The following ZNF407 variants were observed in gnomAD, a reference collection of about 807,000 sequenced individuals.
ZNF407 encodes zinc finger protein 407.
A neutral mutation model predicts 131.2 loss-of-function variants in ZNF407; 17 were observed. That is an observed-to-expected ratio of 0.13 (90% CI 0.09 to 0.19). The LOEUF is 0.19. ZNF407 is among the 10% of genes least tolerant of loss of function. The pLI, the probability that ZNF407 is intolerant of heterozygous loss-of-function variation, is 1.00. For missense variants in ZNF407, 2,681 were observed against 2,830.6 expected (o/e 0.95, Z 1.20); for synonymous variants, 1,156 against 1,062.0 (o/e 1.09, Z -1.72).
chr18:74,810,737 AT>A (rs1970181854), intron 4 of ZNF407, among the ~76,000 whole-genome samples: 1 of 152,286 alleles, frequency 6.6e-6, no homozygotes, highest in African/African-American at 2.4e-5. Flanking sequence ...CCTGAGAAAA[AT>A]AAGCAATGGG....
At position 74,781,492 on chromosome 18, in the gene ZNF407, C is replaced by A. The variant is rs775792066; in HGVS notation, c.4867C>A (p.Pro1623Thr). 6.6e-7 allele frequency: 1 copy of A among 1,516,038 alleles called. No homozygotes were observed. The highest frequency in any genetic ancestry group is 8.8e-7 in the Non-Finnish European group (1 of 1,134,434). 93.9% of individuals were successfully genotyped at this position (1,516,038 alleles called of 1,614,324 possible). Residue 1623 changes from proline to threonine, a missense_variant, in exon 4 of 9, where the codon CCA becomes ACA. Coordinates refer to ENST00000299687, the MANE Select transcript of ZNF407 (RefSeq NM_017757.3). Reference sequence around the variant, plus strand: ...ACTAGGCAAGCATGGAGTTGGCACCCCAAAAGAAAGGTAATTTTCATTCTT... The same window carrying A: ...ACTAGGCAAGCATGGAGTTGGCACCACAAAAGAAAGGTAATTTTCATTCTT... ...HLLGKHGVGTPKERKFTCHLC... is the reference protein window; with the variant it reads ...HLLGKHGVGTTKERKFTCHLC...
chr18:74,697,495 T>A (rs1277127120), intron 3 of ZNF407, among the ~76,000 whole-genome samples: 1 of 152,184 alleles, frequency 6.6e-6, no homozygotes, highest in African/African-American at 2.4e-5. Context: ...TGAGCTTAAA[T>A]TATTTAAATT....
intron 8 of ZNF407, among the ~76,000 whole-genome samples, chr18:75,022,127 T>A (rs1279386138): frequency 2.6e-5 from 4 of 152,120 alleles, no homozygotes; most frequent in Non-Finnish European, 5.9e-5. Flanking sequence ...CAAACTTTTT[T>A]AAAAGAAAAA....
At chr18:74,695,762 C>G (rs1452021411) in intron 3 of ZNF407, among the ~76,000 whole-genome samples, 1 of 152,136 alleles carries the variant, frequency 6.6e-6, no homozygotes. Flanking sequence ...TGATTTTGTT[C>G]TAAGCGTGTT....
intron 8 of ZNF407, among the ~76,000 whole-genome samples, chr18:74,947,644 G>A (rs536771768): frequency 2.6e-5 from 4 of 152,262 alleles, no homozygotes; most frequent in Non-Finnish European, 4.4e-5. Flanking sequence ...TCACACTAGC[G>A]TCCCAGGTAC....
intron 4 of ZNF407, among the ~76,000 whole-genome samples, chr18:74,830,981 A>G (rs922751378): frequency 6.6e-6 from 1 of 152,042 alleles, no homozygotes; most frequent in Non-Finnish European, 1.5e-5. Context: ...ATGAGATCAA[A>G]TTTTTTTAGC....
At chr18:75,043,101 A>T (rs1973392535) in intron 8 of ZNF407, among the ~76,000 whole-genome samples, 1 of 152,126 alleles carries the variant, frequency 6.6e-6, no homozygotes, top group Admixed American at 6.5e-5. Flanking sequence ...ACTGTTTTCC[A>T]CCATGGCTGT....
chr18:74,821,276 TA>T (rs755103352), intron 4 of ZNF407, among the ~76,000 whole-genome samples: 7 of 152,072 alleles, frequency 4.6e-5, no homozygotes, highest in Non-Finnish European at 1.0e-4. Context: ...TATGCAGTAT[TA>T]TTTTTATTAT....
At chr18:74,774,120 G>C (rs1969418640) in intron 3 of ZNF407, among the ~76,000 whole-genome samples, 1 of 152,170 alleles carries the variant, frequency 6.6e-6, no homozygotes, top group Non-Finnish European at 1.5e-5. Flanking sequence ...CATAATTACG[G>C]TAATAGATTA....
chr18:74,886,562 C>T (rs1599221480), intron 6 of ZNF407, among the ~76,000 whole-genome samples: 2 of 152,202 alleles, frequency 1.3e-5, no homozygotes, highest in Admixed American at 1.3e-4. Flanking sequence ...TACTACTCTG[C>T]AACGAAAATA....
At chr18:74,936,092 C>G (rs1259831883) in intron 8 of ZNF407, among the ~76,000 whole-genome samples, 2 of 152,156 alleles carry the variant, frequency 1.3e-5, no homozygotes, top group African/African-American at 2.4e-5. Flanking sequence ...TCCAATTTCT[C>G]TATCTGCTTC....
intron 3 of ZNF407, among the ~76,000 whole-genome samples, chr18:74,769,808 C>T (rs1969324354): frequency 6.6e-6 from 1 of 152,268 alleles, no homozygotes; most frequent in Middle Eastern, 3.4e-3. Flanking sequence ...AAATAATATA[C>T]ACTTTCATCA....
intron 6 of ZNF407, among the ~76,000 whole-genome samples, chr18:74,889,371 A>T (rs1971354343): frequency 6.6e-6 from 1 of 152,092 alleles, no homozygotes; most frequent in Admixed American, 6.5e-5. Context: ...TGTGGTATTA[A>T]ATATTCTAAA....
chr18:74,795,941 G>A (rs958090615), intron 4 of ZNF407, among the ~76,000 whole-genome samples: 5 of 152,198 alleles, frequency 3.3e-5, no homozygotes, highest in African/African-American at 9.7e-5. Context: ...CCAGCCTCCC[G>A]CTGTGCACAC....
intron 8 of ZNF407, among the ~76,000 whole-genome samples, chr18:74,940,743 T>C (rs570816631): frequency 6.6e-6 from 1 of 152,334 alleles, no homozygotes; most frequent in Admixed American, 6.5e-5. Flanking sequence ...GAAGCCTCTC[T>C]GCTCCTGTCT....
intron 8 of ZNF407, among the ~76,000 whole-genome samples, chr18:75,053,423 C>A (rs1973525200): frequency 6.6e-6 from 1 of 152,198 alleles, no homozygotes; most frequent in African/African-American, 2.4e-5. Flanking sequence ...ACTGCCTCAC[C>A]AAGCTGCCTG....
chr18:75,025,425 C>G (rs1599299754), intron 8 of ZNF407, among the ~76,000 whole-genome samples: 1 of 152,182 alleles, frequency 6.6e-6, no homozygotes, highest in South Asian at 2.1e-4. Context: ...GGTATTCAAT[C>G]TTTCTTTAGC....
rs906208133 is a variant in ZNF407 at position 74,927,001 on chromosome 18, G to A, written c.5428+6309G>A. On this transcript the variant is annotated intron_variant, in intron 8 of 8. Transcript: ENST00000299687. ...TTGTTCTAGAGTGACCCAAATGGTTGTTATGTATGGTTTCCTTATGTTTTC... is the reference window on the plus strand; with the variant it reads ...TTGTTCTAGAGTGACCCAAATGGTTATTATGTATGGTTTCCTTATGTTTTC... Among the ~76,000 whole-genome samples the A allele has an allele frequency of 3.3e-5, 5 of 152,262 alleles. No homozygotes were observed. In the South Asian group the frequency reaches 8.3e-4, roughly 25 times the overall value.
At chr18:74,975,258 A>G (rs546811438) in intron 8 of ZNF407, among the ~76,000 whole-genome samples, 2 of 152,356 alleles carry the variant, frequency 1.3e-5, no homozygotes, top group East Asian at 3.9e-4. Context: ...TGGCTTGTAC[A>G]GTAGCTCCTT....
Sources: gnomAD v4.1 joint callset for allele counts (sites outside exome capture counted in the v4.1 genomes callset) on GRCh38, gnomAD v4.1.1 for gene constraint, MANE v1.5 for transcripts, NCBI Gene and HGNC (gene_info 2026-07-23, HGNC 2026-07-21) for gene names.